CFAP299: variants seen among roughly 807,000 people sequenced by gnomAD.
The protein encoded by CFAP299 is cilia and flagella associated protein 299.
CFAP299 carries 21 observed loss-of-function variants against 27.0 expected under a neutral mutation model. The ratio of observed to expected loss-of-function variants is 0.78; its 90% confidence interval spans 0.55 to 1.12. The LOEUF (loss-of-function observed/expected upper bound fraction) is 1.12, where lower values mean the gene tolerates loss of function less well. CFAP299 is among the 50% of genes most tolerant of loss of function. The pLI is 0.00. For missense variants in CFAP299, 310 were observed against 276.6 expected (o/e 1.12, Z -0.86); for synonymous variants, 104 against 98.1 (o/e 1.06, Z -0.36).
At chr4:80,716,026 C>A (rs1722459346) in intron 3 of CFAP299, among the ~76,000 whole-genome samples, 2 of 151,938 alleles carry the variant, frequency 1.3e-5, no homozygotes, top group South Asian at 4.1e-4. Context: ...TGAAAAAAAT[C>A]CTTCAAACTA....
chr4:80,873,792 C>G (rs1733234042), intron 4 of CFAP299, among the ~76,000 whole-genome samples: 1 of 152,138 alleles, frequency 6.6e-6, no homozygotes, highest in Admixed American at 6.5e-5. Context: ...ATGTGTTGAA[C>G]AAAGATCTAA....
intron 2 of CFAP299, chr4:80,386,389 G>T: frequency 6.5e-7 from 1 of 1,529,120 alleles, no homozygotes; most frequent in Non-Finnish European, 8.8e-7. Context: ...ACGGCCTCGG[G>T]CACCAGACCA....
intron 3 of CFAP299, among the ~76,000 whole-genome samples, chr4:80,725,109 CAA>C (rs1723080709): frequency 8.5e-6 from 1 of 118,172 alleles, no homozygotes. Context: ...CATGCCTGGC[CAA>C]TTTTTTTTTT....
intron 2 of CFAP299, among the ~76,000 whole-genome samples, chr4:80,385,383 G>GA (rs1223718931): frequency 6.6e-6 from 1 of 150,686 alleles, no homozygotes; most frequent in African/African-American, 2.4e-5. Flanking sequence ...TGGTTTTCTA[G>GA]AAAAAAATCG....
chr4:80,873,640 G>A (rs555774151), intron 4 of CFAP299, among the ~76,000 whole-genome samples: 49 of 152,296 alleles, frequency 3.2e-4, no homozygotes, highest in Middle Eastern at 3.4e-3. Flanking sequence ...GATGAGACAG[G>A]ACAAGTTCTT....
intron 2 of CFAP299, among the ~76,000 whole-genome samples, chr4:80,366,733 C>T (rs906314392): frequency 1.3e-5 from 2 of 152,112 alleles, no homozygotes; most frequent in African/African-American, 4.8e-5. Context: ...ATTGAAAAAC[C>T]TAAGTCCACT....
intron 2 of CFAP299, among the ~76,000 whole-genome samples, chr4:80,424,668 CAGCATATAACA>C (rs1727451016): frequency 6.6e-6 from 1 of 152,118 alleles, no homozygotes; most frequent in South Asian, 2.1e-4. Flanking sequence ...TAACCAAGAA[CAGCATATAACA>C]ATAAAGAACA....
intron 1 of CFAP299, among the ~76,000 whole-genome samples, chr4:80,351,896 TATAA>T (rs956738549): frequency 1.3e-5 from 2 of 150,286 alleles, no homozygotes; most frequent in Admixed American, 1.3e-4. Context: ...AATTATGATT[TATAA>T]ATAATGTTAA....
intron 3 of CFAP299, among the ~76,000 whole-genome samples, chr4:80,640,665 G>A (rs769608499): frequency 6.6e-6 from 1 of 152,070 alleles, no homozygotes; most frequent in Non-Finnish European, 1.5e-5. Context: ...GTGACACTAG[G>A]TATTACCTAT....
intron 2 of CFAP299, among the ~76,000 whole-genome samples, chr4:80,523,119 A>G (rs1475519161): frequency 6.6e-6 from 1 of 152,188 alleles, no homozygotes; most frequent in East Asian, 1.9e-4. Flanking sequence ...AAGTCTTCCA[A>G]TCATGAGCAT....
chr4:80,481,808 A>C (rs1054291897), intron 2 of CFAP299, among the ~76,000 whole-genome samples: 2 of 152,224 alleles, frequency 1.3e-5, no homozygotes, highest in African/African-American at 4.8e-5. Context: ...ACCAGTTAAT[A>C]TATGGTGATA....
At chr4:80,523,854 C>G (rs1733043144) in intron 2 of CFAP299, among the ~76,000 whole-genome samples, 5 of 152,064 alleles carry the variant, frequency 3.3e-5, no homozygotes, top group Non-Finnish European at 7.4e-5. Context: ...CGTCCTGTTT[C>G]TGGAGAACCC....
chr4:80,843,944 C>T (rs955825909), intron 3 of CFAP299, among the ~76,000 whole-genome samples: 3 of 152,076 alleles, frequency 2.0e-5, no homozygotes, highest in Non-Finnish European at 4.4e-5. Flanking sequence ...TGATGTTCCC[C>T]TTCCTGTGTC....
chr4:80,434,600 G>A (rs1435673287), intron 2 of CFAP299, among the ~76,000 whole-genome samples: 1 of 152,194 alleles, frequency 6.6e-6, no homozygotes, highest in Non-Finnish European at 1.5e-5. Flanking sequence ...GCCTGTAAGA[G>A]CCCTGGACTA....
At chr4:80,670,139 G>T (rs57273322) in intron 3 of CFAP299, among the ~76,000 whole-genome samples, 2 of 151,390 alleles carry the variant, frequency 1.3e-5, no homozygotes, top group Admixed American at 6.6e-5. Context: ...CCATCCTCTT[G>T]CCCCCCTCCC....
upstream of CFAP299, among the ~76,000 whole-genome samples, chr4:80,334,599 T>G (rs1452313288): frequency 6.6e-6 from 1 of 152,154 alleles, no homozygotes; most frequent in Non-Finnish European, 1.5e-5. Context: ...GTGTCCAAGG[T>G]TTTATCTCCT....
At chr4:80,574,390 A>T (rs1429397374) in intron 2 of CFAP299, among the ~76,000 whole-genome samples, 1 of 152,168 alleles carries the variant, frequency 6.6e-6, no homozygotes, top group African/African-American at 2.4e-5. Flanking sequence ...AGATCATCTC[A>T]TCTGCAAACA....
rs541228650 is a variant in CFAP299 at position 80,946,416 on chromosome 4, T to C, written c.606+1477T>C. Among the ~76,000 whole-genome samples, 88 of 152,238 alleles carry C rather than the reference T, an allele frequency of 5.8e-4. No individual in the cohort carries two copies. The Middle Eastern group carries it at 0.01, about 18-fold the overall frequency. ...TGGGGTTGAGAGGGTACAAAGAACA[T>C]TCCCCTGATGCCTTTAAAGGGAGTT... On this transcript the variant is annotated intron_variant, in intron 5 of 5. Coordinates refer to ENST00000358105, the MANE Select transcript of CFAP299 (RefSeq NM_152770.3).
chr4:80,450,523 T>C (rs990108862), intron 2 of CFAP299, among the ~76,000 whole-genome samples: 19 of 152,090 alleles, frequency 1.2e-4, no homozygotes, highest in Admixed American at 7.9e-4. Context: ...AAGGAATACC[T>C]GAAACAAATG....
Sources: gnomAD v4.1 joint callset for allele counts (sites outside exome capture counted in the v4.1 genomes callset) on GRCh38, gnomAD v4.1.1 for gene constraint, MANE v1.5 for transcripts, NCBI Gene and HGNC (gene_info 2026-07-23, HGNC 2026-07-21) for gene names.